The following ZFYVE9 variants were observed in gnomAD, a reference collection of about 807,000 sequenced individuals.
The protein encoded by ZFYVE9 is zinc finger FYVE-type containing 9.
In ZFYVE9, 43 loss-of-function variants were observed where a neutral mutation model predicts 126.7. The ratio of observed to expected loss-of-function variants is 0.34; its 90% CI spans 0.27 to 0.44. ZFYVE9 has a LOEUF of 0.44. ZFYVE9 is among the 20% of genes least tolerant of loss of function. The pLI, the probability that ZFYVE9 is intolerant of heterozygous loss-of-function variation, is 1.00. For synonymous variants in ZFYVE9, 521 were observed against 597.4 expected (o/e 0.87, Z 1.87); for missense variants, 1,476 against 1,697.0 (o/e 0.87, Z 2.29).
intron 11 of ZFYVE9, among the ~76,000 whole-genome samples, chr1:52,295,079 A>G (rs1645959893): frequency 6.6e-6 from 1 of 152,136 alleles, no homozygotes; most frequent in Non-Finnish European, 1.5e-5. Context: ...ATGGTGGCGC[A>G]TGCCTGTAAT....
intron 13 of ZFYVE9, among the ~76,000 whole-genome samples, chr1:52,315,302 C>G (rs1646173985): frequency 6.6e-6 from 1 of 152,050 alleles, no homozygotes; most frequent in African/African-American, 2.4e-5. Context: ...GTGGCACATA[C>G]CAGTATTCCT....
At chr1:52,314,846 G>A (rs1468863198) in intron 13 of ZFYVE9, among the ~76,000 whole-genome samples, 14 of 151,906 alleles carry the variant, frequency 9.2e-5, no homozygotes, top group Non-Finnish European at 1.9e-4. Context: ...CGCCAGGCGC[G>A]GTGGTGGGCG....
intron 16 of ZFYVE9, among the ~76,000 whole-genome samples, chr1:52,339,012 AG>A: frequency 6.6e-6 from 1 of 152,356 alleles, no homozygotes; most frequent in Admixed American, 6.5e-5. Flanking sequence ...CTCTGTCTCA[AG>A]AAAAAAAAAA....
chr1:52,338,001 G>A (rs1317737709), intron 16 of ZFYVE9, 67 bp downstream of exon 16: 10 of 1,515,596 alleles, frequency 6.6e-6, no homozygotes, highest in Admixed American at 6.1e-5. Flanking sequence ...TTTGTCTGCT[G>A]TCTACATTGG....
chr1:52,143,278 G>A (rs1355529312), intron 1 of ZFYVE9, among the ~76,000 whole-genome samples: 4 of 152,140 alleles, frequency 2.6e-5, no homozygotes, highest in African/African-American at 9.7e-5. Context: ...TGAAGGAAAT[G>A]GGATACATGC....
At chr1:52,325,545 A>T (rs1264676241) in intron 13 of ZFYVE9, among the ~76,000 whole-genome samples, 1 of 152,150 alleles carries the variant, frequency 6.6e-6, no homozygotes, top group Non-Finnish European at 1.5e-5. Context: ...ACAGAAACTT[A>T]TTTTATTAGA....
At chr1:52,343,447 AAAAAAAAG>A (rs1291246602) in intron 17 of ZFYVE9, among the ~76,000 whole-genome samples, 7 of 150,810 alleles carry the variant, frequency 4.6e-5, no homozygotes, top group Admixed American at 2.6e-4. Flanking sequence ...CTCCATCTCA[AAAAAAAAG>A]AAAAAAAGAA....
intron 3 of ZFYVE9, among the ~76,000 whole-genome samples, chr1:52,233,782 TTTTG>T (rs1476881035): frequency 1.3e-5 from 2 of 152,178 alleles, no homozygotes; most frequent in African/African-American, 4.8e-5. Flanking sequence ...GATTCACTTC[TTTTG>T]TTTGTTTGTT....
intron 10 of ZFYVE9, among the ~76,000 whole-genome samples, chr1:52,291,851 G>T (rs1185552818): frequency 1.5e-5 from 2 of 136,662 alleles, no homozygotes; most frequent in Non-Finnish European, 3.0e-5. Flanking sequence ...GCACTCCAGG[G>T]TTCCAGGGTG....
At position 52,297,071 on chromosome 1, in the gene ZFYVE9, G is replaced by A. The variant is rs546851227; in HGVS notation, c.3333+1094G>A. On this transcript the variant is annotated intron_variant, in intron 12 of 18. Transcript: ENST00000287727. Reference sequence around the variant, plus strand: ...TTCACCTGCCTCAGCCTCCCAAAGTGCTGGTATTACAGGCATGAGCCACTG... The same window carrying A: ...TTCACCTGCCTCAGCCTCCCAAAGTACTGGTATTACAGGCATGAGCCACTG... 2.0e-5 allele frequency among the ~76,000 whole-genome samples: 3 copies of A among 152,160 alleles called. No homozygotes were observed. In the South Asian group the frequency reaches 6.2e-4, roughly 32 times the overall value.
At chr1:52,213,013 T>C (rs1645041580) in intron 1 of ZFYVE9, among the ~76,000 whole-genome samples, 1 of 152,236 alleles carries the variant, frequency 6.6e-6, no homozygotes, top group Non-Finnish European at 1.5e-5. Flanking sequence ...TATCCATCTA[T>C]CCATTTACTA....
intron 17 of ZFYVE9, among the ~76,000 whole-genome samples, chr1:52,341,262 C>T (rs1646435424): frequency 6.6e-6 from 1 of 152,182 alleles, no homozygotes; most frequent in Non-Finnish European, 1.5e-5. Flanking sequence ...GACTAATTAA[C>T]TTGCTCAAGA....
chr1:52,215,868 G>A (rs1645067445), intron 1 of ZFYVE9, among the ~76,000 whole-genome samples: 1 of 152,088 alleles, frequency 6.6e-6, no homozygotes, highest in South Asian at 2.1e-4. Context: ...AGTTGGAGGA[G>A]GACTGGAATC....
chr1:52,215,631 C>T (rs1645065136), intron 1 of ZFYVE9, among the ~76,000 whole-genome samples: 1 of 152,072 alleles, frequency 6.6e-6, no homozygotes, highest in African/African-American at 2.4e-5. Context: ...TATTCATAGT[C>T]TTAGTTTTAT....
chr1:52,239,273 GGAAA>G lies in ZFYVE9; in HGVS notation c.1858_1861del (p.Lys620GlnfsTer3). 1 of 1,614,078 alleles carries G rather than the reference GGAAA, an allele frequency of 6.2e-7. No individual in the cohort carries two copies. The highest frequency in any genetic ancestry group is 2.2e-5 in the East Asian group (1 of 44,882). ...ACTAAAAATAAAAATGATATTCTTG[GGAAA>G]GCAAAATTAGGGGAAAACTCAGCAA... On this transcript the variant is annotated frameshift_variant, in exon 4 of 19. Coordinates refer to ENST00000287727, the MANE Select transcript of ZFYVE9 (RefSeq NM_004799.4). LOFTEE classifies it high-confidence loss of function.
intron 1 of ZFYVE9, among the ~76,000 whole-genome samples, chr1:52,205,379 G>T (rs1644968651): frequency 6.7e-6 from 1 of 149,920 alleles, no homozygotes; most frequent in South Asian, 2.1e-4. Flanking sequence ...CCAGCTTTTT[G>T]TTTTTTTTTA....
intron 13 of ZFYVE9, among the ~76,000 whole-genome samples, chr1:52,317,438 C>T (rs1412356390): frequency 6.6e-6 from 1 of 150,790 alleles, no homozygotes; most frequent in Non-Finnish European, 1.5e-5. Flanking sequence ...CTCGAGATCA[C>T]GCCATTGCAC....
chr1:52,342,369 C>T (rs1458662300), intron 17 of ZFYVE9, among the ~76,000 whole-genome samples: 2 of 151,392 alleles, frequency 1.3e-5, no homozygotes, highest in African/African-American at 4.9e-5. Flanking sequence ...GGGTACACAC[C>T]ATTCTCCTGC....
intron 1 of ZFYVE9, among the ~76,000 whole-genome samples, chr1:52,181,084 C>G (rs1332203410): frequency 6.6e-6 from 1 of 151,932 alleles, no homozygotes; most frequent in African/African-American, 2.4e-5. Context: ...CACTTTCTCC[C>G]TCACGGTCTC....
Sources: allele counts gnomAD v4.1 joint callset (sites outside exome capture counted in the v4.1 genomes callset), GRCh38; gene constraint gnomAD v4.1.1; transcripts MANE v1.5; gene names NCBI Gene and HGNC (gene_info 2026-07-23, HGNC 2026-07-21).